The following LY75 variants were observed in gnomAD, a reference collection of about 807,000 sequenced individuals.
The protein encoded by LY75 is lymphocyte antigen 75.
In LY75, 185 loss-of-function variants were observed where a neutral mutation model predicts 231.7. The ratio of observed to expected loss-of-function variants is 0.80; its 90% CI spans 0.71 to 0.90. The LOEUF is 0.90. LY75 is among the 40% of genes least tolerant of loss of function. LY75 has a pLI of 0.00. For missense variants in LY75, 1,947 were observed against 2,050.2 expected, an observed-to-expected ratio of 0.95 and a Z score of 0.97; for synonymous variants, 668 against 689.0, an observed-to-expected ratio of 0.97 and a Z score of 0.48.
intron 21 of LY75, 47 bp from the exon 22 acceptor site, chr2:159,850,514 C>T (rs374114097): frequency 2.2e-5 from 36 of 1,608,310 alleles, no homozygotes; most frequent in South Asian, 7.7e-5. Context: ...GACACAGGAA[C>T]GCTCACATAG....
At chr2:159,886,264 C>T (rs1389813620) in intron 5 of LY75, among the ~76,000 whole-genome samples, 156 bp downstream of exon 5, 1 of 152,150 alleles carries the variant, frequency 6.6e-6, no homozygotes, top group Non-Finnish European at 1.5e-5. Flanking sequence ...AACAGTACCA[C>T]AATTAAGAAT....
chr2:159,891,193 G>A (rs1685745252), intron 3 of LY75, among the ~76,000 whole-genome samples: 1 of 152,146 alleles, frequency 6.6e-6, no homozygotes. Context: ...CATATCAGAT[G>A]TTATACTCAT....
At chr2:159,853,778 A>G (rs1684472504) in intron 18 of LY75, 81 bp from the exon 19 acceptor site, 2 of 1,574,112 alleles carry the variant, frequency 1.3e-6, no homozygotes, top group Non-Finnish European at 1.7e-6. Flanking sequence ...GTCTTACTAT[A>G]ATCACTAACC....
chr2:159,837,851 C>G (rs1281724885), intron 25 of LY75, among the ~76,000 whole-genome samples: 3 of 152,158 alleles, frequency 2.0e-5, no homozygotes, highest in African/African-American at 7.2e-5. Context: ...CGCCTTGCTC[C>G]TCCCTGACAT....
intron 6 of LY75, 43 bp from the exon 7 acceptor site, chr2:159,882,358 T>C (rs953944291): frequency 3.2e-6 from 5 of 1,577,278 alleles, no homozygotes; most frequent in Admixed American, 1.9e-5. Context: ...AAGATACATC[T>C]ATTGTGAATC....
At chr2:159,885,105 G>A (rs762686231) in intron 6 of LY75, 48 bp downstream of exon 6, 3 of 1,577,496 alleles carry the variant, frequency 1.9e-6, no homozygotes, top group African/African-American at 1.4e-5. Context: ...ACAAAACTAT[G>A]ATTTTAAGAC....
rs761552529 is a variant in LY75, at chr2:159,898,691, G to A, written c.463C>T (p.His155Tyr). Residue 155 changes from histidine to tyrosine, a missense_variant, in exon 2 of 35, where the codon CAT (histidine) becomes TAT (tyrosine). Transcript: ENST00000263636. ...AAAGTCCCTCTCTAATACTCACCATGATAAGGCTGGTCACAAAGGCTTTCC... is the reference window on the plus strand; with the variant it reads ...AAAGTCCCTCTCTAATACTCACCATAATAAGGCTGGTCACAAAGGCTTTCC... ...SEESLCDQPYHEIYTRDGNSY... is the reference protein window; with the variant it reads ...SEESLCDQPYYEIYTRDGNSY... 6.2e-7 allele frequency: 1 copy of A among 1,611,292 alleles called. No individual in the cohort carries two copies. The highest frequency in any genetic ancestry group is 1.7e-5 in the Admixed American group (1 of 59,940).
At chr2:159,877,009 C>CAAAAAAAA (rs58831835) in intron 11 of LY75, among the ~76,000 whole-genome samples, 402 of 90,282 alleles carry the variant, frequency 4.5e-3, no homozygotes, top group East Asian at 0.012. Flanking sequence ...AACTCCATCT[C>CAAAAAAAA]AAAAAAAAAA....
At chr2:159,829,275 T>A (rs1038202283) in intron 28 of LY75, among the ~76,000 whole-genome samples, 3 of 152,178 alleles carry the variant, frequency 2.0e-5, no homozygotes, top group Non-Finnish European at 4.4e-5. Flanking sequence ...CTGCTTTATA[T>A]CATCTCATGC....
Position 159,810,237 on chromosome 2 carries a change from T to C in LY75, c.4699+289A>G, listed in dbSNP as rs373197224. 5.3e-5 allele frequency among the ~76,000 whole-genome samples: 8 copies of C among 151,854 alleles called. No individual in the cohort carries two copies. The South Asian group carries it at 6.2e-4, about 12-fold the overall frequency. On this transcript the variant is annotated intron_variant, in intron 32 of 34. Coordinates refer to ENST00000263636, the MANE Select transcript of LY75 (RefSeq NM_002349.4). ...TTAGTAGAGATAGGGTTTCACCATG[T>C]TGGCCAGGATGGTCTTGATCTCTTG...
intron 15 of LY75, among the ~76,000 whole-genome samples, chr2:159,860,617 A>G (rs776325651): frequency 2.0e-5 from 3 of 152,184 alleles, no homozygotes. Flanking sequence ...CGTGGTAATG[A>G]GAGAGGTTTT....
intron 13 of LY75, among the ~76,000 whole-genome samples, chr2:159,865,656 A>G (rs1023327251): frequency 6.6e-6 from 1 of 152,160 alleles, no homozygotes; most frequent in African/African-American, 2.4e-5. Context: ...AAAAGTTCAG[A>G]GAAAGGAGAG....
chr2:159,864,070 C>T (rs1354965651), intron 14 of LY75, among the ~76,000 whole-genome samples: 1 of 152,150 alleles, frequency 6.6e-6, no homozygotes, highest in Non-Finnish European at 1.5e-5. Context: ...AAAACACTGC[C>T]TAACTAACAA....
chr2:159,889,451 C>T (rs774533281), intron 4 of LY75, among the ~76,000 whole-genome samples: 3 of 151,938 alleles, frequency 2.0e-5, no homozygotes, highest in Non-Finnish European at 2.9e-5. Context: ...TGGTTTCAAA[C>T]CCCTGGCTTC....
chr2:159,829,966 A>G (rs1209047210), intron 28 of LY75, among the ~76,000 whole-genome samples: 4 of 152,212 alleles, frequency 2.6e-5, no homozygotes, highest in African/African-American at 4.8e-5. Context: ...CTATGGCTCA[A>G]TACAAGACCA....
intron 14 of LY75, among the ~76,000 whole-genome samples, chr2:159,863,016 T>C (rs76020629): frequency 8.4e-4 from 121 of 143,604 alleles, no homozygotes; most frequent in African/African-American, 2.9e-3. Context: ...ATGAGATCCT[T>C]TTTTTTTTTT....
intron 31 of LY75, among the ~76,000 whole-genome samples, chr2:159,813,321 TTC>T (rs1683019721): frequency 1.4e-5 from 2 of 146,008 alleles, no homozygotes; most frequent in Non-Finnish European, 3.0e-5. Flanking sequence ...ATGCCTGTTA[TTC>T]TCTGTTTTGT....
chr2:159,887,212 C>CACACACACACAG, intron 4 of LY75, among the ~76,000 whole-genome samples: 1 of 5,070 alleles, frequency 2.0e-4, no homozygotes, highest in Non-Finnish European at 2.5e-3. Flanking sequence ...GAGTGAGAGT[C>CACACACACACAG]ACACACACAC....
chr2:159,886,329 T>C (rs1685583698), intron 5 of LY75, 91 bp downstream of exon 5: 1 of 1,355,910 alleles, frequency 7.4e-7, no homozygotes, highest in Admixed American at 2.6e-5. Flanking sequence ...GCTGCCAAGA[T>C]GTGAAACTTT....
Sources: allele counts gnomAD v4.1 joint callset (sites outside exome capture counted in the v4.1 genomes callset), GRCh38; gene constraint gnomAD v4.1.1; transcripts MANE v1.5; gene names NCBI Gene and HGNC (gene_info 2026-07-23, HGNC 2026-07-21).